Variants in GLRA1 observed in about 807,000 individuals in gnomAD.
GLRA1 encodes the protein glycine receptor alpha 1, also known as glycine receptor subunit alpha-1.
GLRA1 carries 37 observed loss-of-function variants against 48.3 expected under a neutral mutation model. That is an observed-to-expected ratio of 0.77 (90% CI 0.59 to 1.01). The LOEUF is 1.01. Ranked by LOEUF, GLRA1 falls within the 50% of genes least tolerant of loss-of-function variation. The pLI is 0.00. For missense variants in GLRA1, 427 were observed against 571.0 expected, an observed-to-expected ratio of 0.75 and a Z score of 2.57; for synonymous variants, 196 against 210.7, an observed-to-expected ratio of 0.93 and a Z score of 0.60.
intron 7 of GLRA1, among the ~76,000 whole-genome samples, chr5:151,839,903 C>G (rs777756512): frequency 6.6e-6 from 1 of 152,120 alleles, no homozygotes; most frequent in Non-Finnish European, 1.5e-5. Flanking sequence ...GTTTAAACCA[C>G]CAAATCTGTG....
intron 4 of GLRA1, among the ~76,000 whole-genome samples, chr5:151,857,926 T>C (rs1753091807): frequency 1.3e-5 from 2 of 152,190 alleles, no homozygotes; most frequent in South Asian, 2.1e-4. Context: ...AGGGATAGGT[T>C]GAGAGTCATC....
chr5:151,896,462 T>TCTAC (rs1276624678), intron 1 of GLRA1, among the ~76,000 whole-genome samples: 16 of 152,264 alleles, frequency 1.1e-4, no homozygotes, highest in African/African-American at 3.9e-4. Context: ...TGAAGCTTGT[T>TCTAC]CTACCCTCTT....
intron 2 of GLRA1, among the ~76,000 whole-genome samples, chr5:151,891,941 G>C (rs1216333916): frequency 6.6e-6 from 1 of 152,174 alleles, no homozygotes; most frequent in Non-Finnish European, 1.5e-5. Context: ...TGAAGAAACA[G>C]AGGCCCAAAG....
chr5:151,874,340 T>C (rs1437426104), intron 3 of GLRA1, among the ~76,000 whole-genome samples: 1 of 152,200 alleles, frequency 6.6e-6, no homozygotes, highest in Non-Finnish European at 1.5e-5. Flanking sequence ...AATACCAACA[T>C]TATGCAATAT....
In GLRA1 at chr5:151,855,183, A is replaced by G. The variant is rs770255235; in HGVS notation, c.560-6T>C. The G allele has an allele frequency of 1.9e-6, 3 of 1,613,932 alleles. No homozygotes were observed. The highest frequency in any genetic ancestry group is 2.5e-6 in the Non-Finnish European group (3 of 1,179,814). On this transcript the variant is annotated splice_region_variant and splice_polypyrimidine_tract_variant and intron_variant, in intron 5 of 8. Transcript: ENST00000274576. Reference sequence around the variant, plus strand: ...GTCATTCATCGTATATCCAACTGGGATGGGATCAGAAGAAGGAGCAGTCAC... The same window carrying G: ...GTCATTCATCGTATATCCAACTGGGGTGGGATCAGAAGAAGGAGCAGTCAC...
At chr5:151,901,866 A>AG (rs1447405568) in intron 1 of GLRA1, among the ~76,000 whole-genome samples, 12 of 152,220 alleles carry the variant, frequency 7.9e-5, no homozygotes, top group Non-Finnish European at 8.8e-5. Flanking sequence ...GAGGAAGCTG[A>AG]CACTTTCATT....
chr5:151,849,376 G>GTTTCGTTTCCTTTCCTTTCCTTTCC (rs1752816275), intron 7 of GLRA1, among the ~76,000 whole-genome samples: 1 of 13,180 alleles, frequency 7.6e-5, no homozygotes, highest in Non-Finnish European at 1.2e-4. Flanking sequence ...TCTTCCTTTC[G>GTTTCGTTTCCTTTCCTTTCCTTTCC]TTTCCTTTCC....
At chr5:151,823,616 C>T (rs1188419356) in intron 8 of GLRA1, among the ~76,000 whole-genome samples, 2 of 152,198 alleles carry the variant, frequency 1.3e-5, no homozygotes, top group Non-Finnish European at 2.9e-5. Flanking sequence ...GTTCCCACAT[C>T]CCTGGCAGTT....
intron 7 of GLRA1, chr5:151,850,282 A>G (rs1056288596): frequency 2.5e-6 from 4 of 1,604,682 alleles, no homozygotes; most frequent in Non-Finnish European, 3.4e-6. Flanking sequence ...GCCCAGTGGG[A>G]ATTTCAAACC....
intron 1 of GLRA1, among the ~76,000 whole-genome samples, chr5:151,905,655 C>G (rs375000920): frequency 1.3e-5 from 2 of 152,066 alleles, no homozygotes; most frequent in African/African-American, 2.4e-5. Context: ...CCCTTCCAAC[C>G]CCCCAGGACC....
intron 7 of GLRA1, among the ~76,000 whole-genome samples, chr5:151,832,302 C>T (rs908928519): frequency 3.5e-4 from 53 of 152,218 alleles, no homozygotes; most frequent in African/African-American, 8.7e-4. Context: ...AGAATGAGTT[C>T]GACAAATTGA....
intron 2 of GLRA1, 93 bp downstream of exon 2, chr5:151,892,218 G>T: frequency 1.8e-6 from 2 of 1,141,612 alleles, no homozygotes. Flanking sequence ...GATTCACACT[G>T]CGTATTTACC....
At chr5:151,857,696 A>T (rs572634299) in intron 4 of GLRA1, among the ~76,000 whole-genome samples, 140 of 152,182 alleles carry the variant, frequency 9.2e-4, no homozygotes, top group Non-Finnish European at 1.6e-3. Flanking sequence ...TGGTTGTTCA[A>T]CCCTGACAGA....
chr5:151,885,747 G>T (rs886862002), intron 3 of GLRA1, among the ~76,000 whole-genome samples: 1 of 152,176 alleles, frequency 6.6e-6, no homozygotes, highest in Non-Finnish European at 1.5e-5. Flanking sequence ...AGCCTCCTCA[G>T]CTTTGCAAAA....
At chr5:151,829,710 T>A (rs1488608726) in intron 7 of GLRA1, among the ~76,000 whole-genome samples, 1 of 152,220 alleles carries the variant, frequency 6.6e-6, no homozygotes, top group Non-Finnish European at 1.5e-5. Flanking sequence ...ATCAGTCAAT[T>A]TTAGAACATT....
intron 2 of GLRA1, among the ~76,000 whole-genome samples, chr5:151,889,686 A>T (rs1346011188): frequency 6.6e-6 from 1 of 151,760 alleles, no homozygotes; most frequent in Non-Finnish European, 1.5e-5. Flanking sequence ...ATCATGTTGG[A>T]GTCATAGGGG....
At chr5:151,846,096 A>G (rs1044337037) in intron 7 of GLRA1, among the ~76,000 whole-genome samples, 1 of 152,116 alleles carries the variant, frequency 6.6e-6, no homozygotes, top group East Asian at 1.9e-4. Flanking sequence ...GAGGGTATGG[A>G]TTTTCTTTCT....
intron 3 of GLRA1, among the ~76,000 whole-genome samples, chr5:151,864,703 G>A (rs916408029): frequency 3.3e-5 from 5 of 152,122 alleles, no homozygotes; most frequent in African/African-American, 4.8e-5. Flanking sequence ...TAGCAAGACC[G>A]AATCACCTGG....
rs368499147 is a variant in GLRA1 at position 151,832,363 on chromosome 5, G to A, written c.913-3296C>T. On this transcript the variant is annotated intron_variant, in intron 7 of 8. Transcript: ENST00000274576. ...AATAGCAAACTCCTCCAAGCTAAAGGAGCATTCTAATCCAAGGCAAGGAAG... is the reference window on the plus strand; with the variant it reads ...AATAGCAAACTCCTCCAAGCTAAAGAAGCATTCTAATCCAAGGCAAGGAAG... Among the ~76,000 whole-genome samples, 33 of 152,294 alleles carry A rather than the reference G, an allele frequency of 2.2e-4. 1 individual carries two copies. The highest frequency in any genetic ancestry group is 7.5e-4 in the African/African-American group (31 of 41,562).
Sources: allele counts gnomAD v4.1 joint callset (sites outside exome capture counted in the v4.1 genomes callset), GRCh38; gene constraint gnomAD v4.1.1; transcripts MANE v1.5; gene names NCBI Gene and HGNC (gene_info 2026-07-23, HGNC 2026-07-21).